RARB: variants seen among roughly 807,000 people sequenced by gnomAD.
RARB encodes the protein retinoic acid receptor beta.
Under a neutral mutation model 51.9 loss-of-function variants are expected in RARB, and 17 were observed. That is an observed-to-expected ratio of 0.33 (90% CI 0.22 to 0.49). The LOEUF (loss-of-function observed/expected upper bound fraction) is 0.49, where lower values mean the gene tolerates loss of function less well. Ranked by LOEUF, RARB falls within the 20% of genes least tolerant of loss-of-function variation. The probability of loss-of-function intolerance (pLI) is 0.99; values close to 1 mark genes in which losing one functional copy is unlikely to be tolerated. For missense variants in RARB, 369 were observed against 550.8 expected, an observed-to-expected ratio of 0.67 and a Z score of 3.30; for synonymous variants, 215 against 195.4, an observed-to-expected ratio of 1.10 and a Z score of -0.84.
chr3:24,875,750 A>G (rs929011776), intron 2 of RARB, among the ~76,000 whole-genome samples: 3 of 152,090 alleles, frequency 2.0e-5, no homozygotes, highest in African/African-American at 7.2e-5. Context: ...CATTAATATA[A>G]TACTATTAAC....
chr3:24,935,770 T>C (rs114648224), intron 2 of RARB, among the ~76,000 whole-genome samples: 2 of 152,166 alleles, frequency 1.3e-5, no homozygotes, highest in Non-Finnish European at 2.9e-5. Context: ...CACTTGCTCA[T>C]GTGATTACTC....
intron 5 of RARB, among the ~76,000 whole-genome samples, chr3:25,190,778 G>C (rs1439118420): frequency 6.6e-6 from 1 of 152,036 alleles, no homozygotes; most frequent in African/African-American, 2.4e-5. Context: ...GTGCTGCTTA[G>C]AATGAGTTCA....
intron 5 of RARB, chr3:25,346,015 G>A (rs1052651932): frequency 3.6e-5 from 14 of 393,902 alleles, no homozygotes; most frequent in Non-Finnish European, 4.5e-5. Context: ...CCCGGGCTGC[G>A]GTTGACTGAT....
At chr3:25,427,043 GT>G (rs1343894960), upstream of RARB, among the ~76,000 whole-genome samples, 1 of 152,216 alleles carries the variant, frequency 6.6e-6, no homozygotes, top group Non-Finnish European at 1.5e-5. Context: ...ACTTAAACCA[GT>G]TTACAAAATA....
chr3:25,389,562 G>A (rs569210969), intron 5 of RARB, among the ~76,000 whole-genome samples: 8 of 152,276 alleles, frequency 5.3e-5, no homozygotes, highest in Non-Finnish European at 1.0e-4. Context: ...TGGCACATAG[G>A]AAGTTATCAT....
At chr3:25,241,317 C>CT (rs1414865984) in intron 5 of RARB, among the ~76,000 whole-genome samples, 3 of 151,946 alleles carry the variant, frequency 2.0e-5, no homozygotes, top group Non-Finnish European at 2.9e-5. Flanking sequence ...TGTTTTATGT[C>CT]TTTTTTTAAA....
intron 3 of RARB, among the ~76,000 whole-genome samples, chr3:25,517,238 C>T (rs565302942): frequency 4.6e-5 from 7 of 152,056 alleles, no homozygotes; most frequent in Non-Finnish European, 8.8e-5. Flanking sequence ...TTGTTGCTGT[C>T]TTCAATGAAT....
At chr3:25,062,364 T>C (rs2125304381) in intron 3 of RARB, among the ~76,000 whole-genome samples, 1 of 152,034 alleles carries the variant, frequency 6.6e-6, no homozygotes, top group South Asian at 2.1e-4. Flanking sequence ...CTACTCTTAT[T>C]CCTTGTAGAT....
intron 5 of RARB, among the ~76,000 whole-genome samples, chr3:25,371,333 G>C (rs1386699221): frequency 6.6e-6 from 1 of 152,114 alleles, no homozygotes; most frequent in African/African-American, 2.4e-5. Flanking sequence ...CTTGGGGGAG[G>C]GTAGCACCAT....
intron 5 of RARB, among the ~76,000 whole-genome samples, chr3:25,190,250 C>T (rs945978550): frequency 6.6e-6 from 1 of 152,032 alleles, no homozygotes; most frequent in Admixed American, 6.6e-5. Context: ...TAGGAACAGT[C>T]AATGAGTGTA....
intron 2 of RARB, among the ~76,000 whole-genome samples, chr3:24,904,027 G>A (rs1161916736): frequency 6.6e-6 from 1 of 152,180 alleles, no homozygotes; most frequent in African/African-American, 2.4e-5. Flanking sequence ...CTTGTGGAAT[G>A]AGTCTTTTCC....
At chr3:25,082,692 A>G (rs1003239594) in intron 3 of RARB, among the ~76,000 whole-genome samples, 2 of 152,182 alleles carry the variant, frequency 1.3e-5, no homozygotes, top group Middle Eastern at 3.4e-3. Context: ...AGCAAAAAAT[A>G]TTGCTTATGA....
chr3:25,478,786 C>G (rs1429722340), intron 2 of RARB, among the ~76,000 whole-genome samples: 3 of 152,188 alleles, frequency 2.0e-5, no homozygotes, highest in Non-Finnish European at 4.4e-5. Flanking sequence ...AGTTCAGGCC[C>G]CCTGCTTTCT....
rs1363722483 is a variant in RARB at position 24,877,346 on chromosome 3, C to CTTTTTGTTTTT, written c.-380+18599_-380+18600insGTTTTTTTTTT. Among the ~76,000 whole-genome samples, 8 of 81,892 alleles carry CTTTTTGTTTTT rather than the reference C, an allele frequency of 9.8e-5. 1 individual carries two copies. Among genetic ancestry groups the CTTTTTGTTTTT allele is most frequent in the Non-Finnish European group, 1.7e-4 (8 of 45,932 alleles). 53.7% of individuals were successfully genotyped at this position (81,892 alleles called of 152,430 possible). Reference sequence around the variant, plus strand: ...ATAGTAATTTTTTAAAGCAATCTTACTTTTTTTTTTTTTTTTTGGAAAATT... The same window carrying CTTTTTGTTTTT: ...ATAGTAATTTTTTAAAGCAATCTTACTTTTTGTTTTTTTTTTTTTTTTTTTTTTGGAAAATT... On this transcript the variant is annotated intron_variant, in intron 2 of 11. Coordinates refer to the RARB transcript ENST00000383772.
chr3:24,881,944 G>C (rs930389501), intron 2 of RARB, among the ~76,000 whole-genome samples: 2 of 152,008 alleles, frequency 1.3e-5, no homozygotes, highest in African/African-American at 4.8e-5. Flanking sequence ...TTAGCTCTTG[G>C]GAAAACAGTT....
chr3:25,095,076 T>A (rs1222624718), intron 3 of RARB, among the ~76,000 whole-genome samples: 3 of 152,184 alleles, frequency 2.0e-5, no homozygotes, highest in Non-Finnish European at 2.9e-5. Context: ...TCCAGTGATT[T>A]TTTTCCCTTT....
In RARB at chr3:24,846,028, A is replaced by G. The variant is rs143727898; in HGVS notation, c.-458-12646A>G. On this transcript the variant is annotated intron_variant, in intron 1 of 11. Coordinates refer to the RARB transcript ENST00000383772. ...CCACAGGAGGAGCTGAGATGCATGC[A>G]GGTTAAAAGACATTCTCCAGTGCAA... Among the ~76,000 whole-genome samples the G allele has an allele frequency of 1.0e-3, 156 of 152,366 alleles. 1 individual carries two copies. Among genetic ancestry groups the G allele is most frequent in the African/African-American group, 3.6e-3 (148 of 41,596 alleles).
intron 2 of RARB, among the ~76,000 whole-genome samples, chr3:25,045,150 GA>G (rs1698187521): frequency 6.6e-6 from 1 of 152,202 alleles, no homozygotes; most frequent in Admixed American, 6.5e-5. Flanking sequence ...CTAACAGCTG[GA>G]ATAGCAAAAG....
At chr3:25,180,852 C>T (rs917362993) in intron 5 of RARB, among the ~76,000 whole-genome samples, 1 of 152,142 alleles carries the variant, frequency 6.6e-6, no homozygotes, top group Non-Finnish European at 1.5e-5. Flanking sequence ...ACTTGGGGCT[C>T]CCAGACCAAC....
Sources: gnomAD v4.1 joint callset for allele counts (sites outside exome capture counted in the v4.1 genomes callset) on GRCh38, gnomAD v4.1.1 for gene constraint, MANE v1.5 for transcripts, NCBI Gene and HGNC (gene_info 2026-07-23, HGNC 2026-07-21) for gene names.